Variants in PABPC4L observed in about 807,000 individuals in gnomAD.
PABPC4L encodes polyadenylate-binding protein 4-like.
For synonymous variants in PABPC4L, 169 were observed against 164.1 expected, an observed-to-expected ratio of 1.03 and a Z score of -0.23; for missense variants, 452 against 451.4, an observed-to-expected ratio of 1.00 and a Z score of -0.01.
At chr4:134,065,887 GT>G in the PABPC4L span, among the ~76,000 whole-genome samples, 1 of 151,718 alleles carries the variant, frequency 6.6e-6, no homozygotes, top group Non-Finnish European at 1.5e-5. Flanking sequence ...CCTTTTCAAT[GT>G]TTTTGTCTAT....
the PABPC4L span, among the ~76,000 whole-genome samples, chr4:134,166,632 G>T: frequency 6.6e-6 from 1 of 152,172 alleles, no homozygotes; most frequent in Non-Finnish European, 1.5e-5. Context: ...GGCGGCAGAT[G>T]TAACAGAGCT....
the PABPC4L span, among the ~76,000 whole-genome samples, chr4:133,969,001 A>T: frequency 6.6e-6 from 1 of 152,182 alleles, no homozygotes; most frequent in Non-Finnish European, 1.5e-5. Flanking sequence ...TTTTAAAAGG[A>T]AATTGATTGT....
At chr4:134,158,961 C>T in the PABPC4L span, among the ~76,000 whole-genome samples, 1 of 152,066 alleles carries the variant, frequency 6.6e-6, no homozygotes, top group African/African-American at 2.4e-5. Context: ...GTAATTGTAA[C>T]ACAATGATCA....
chr4:134,103,296 G>T, the PABPC4L span, among the ~76,000 whole-genome samples: 1 of 151,550 alleles, frequency 6.6e-6, no homozygotes, highest in Non-Finnish European at 1.5e-5. Context: ...TGCAGTGATG[G>T]GTAGTGTACT....
chr4:134,029,314 C>T, the PABPC4L span, among the ~76,000 whole-genome samples: 1 of 151,868 alleles, frequency 6.6e-6, no homozygotes. Flanking sequence ...AAAGGAGGGG[C>T]CAAGGTGACC....
At chr4:134,193,990 A>T (rs539486279), downstream of PABPC4L, among the ~76,000 whole-genome samples, 1 of 151,928 alleles carries the variant, frequency 6.6e-6, no homozygotes, top group South Asian at 2.1e-4. Context: ...AAAGAGACAG[A>T]ACTTTTCAGG....
the PABPC4L span, among the ~76,000 whole-genome samples, chr4:134,123,840 A>G: frequency 1.3e-5 from 2 of 152,020 alleles, no homozygotes. Flanking sequence ...AACTGTCAAA[A>G]CAGGTGTAAA....
the PABPC4L span, among the ~76,000 whole-genome samples, chr4:134,038,353 G>A: frequency 6.6e-6 from 1 of 152,084 alleles, no homozygotes; most frequent in African/African-American, 2.4e-5. Flanking sequence ...AGTTAGGGAG[G>A]ATTCCCTCTT....
At chr4:134,101,460 T>C in the PABPC4L span, among the ~76,000 whole-genome samples, 1 of 151,496 alleles carries the variant, frequency 6.6e-6, no homozygotes, top group African/African-American at 2.4e-5. Flanking sequence ...AAAGATGTTT[T>C]ACTTGTGAGA....
At chr4:133,964,282 C>T in the PABPC4L span, among the ~76,000 whole-genome samples, 3 of 151,664 alleles carry the variant, frequency 2.0e-5, no homozygotes, top group Non-Finnish European at 4.4e-5. Flanking sequence ...GAATTAGATA[C>T]TCTAAACAGA....
the PABPC4L span, among the ~76,000 whole-genome samples, chr4:134,061,343 T>C: frequency 3.9e-5 from 6 of 151,950 alleles, no homozygotes; most frequent in African/African-American, 1.4e-4. Context: ...AGATACACTC[T>C]TATATGAAAT....
the PABPC4L span, among the ~76,000 whole-genome samples, chr4:134,058,325 T>G: frequency 6.6e-6 from 1 of 152,068 alleles, no homozygotes; most frequent in African/African-American, 2.4e-5. Flanking sequence ...TCTTTTGGTC[T>G]TATATTATTC....
At chr4:134,190,252 A>C in the PABPC4L span, among the ~76,000 whole-genome samples, 1 of 152,130 alleles carries the variant, frequency 6.6e-6, no homozygotes, top group Non-Finnish European at 1.5e-5. Context: ...GTTTGTCCTG[A>C]CACATACTTC....
chr4:133,998,737 G>GT, the PABPC4L span, among the ~76,000 whole-genome samples: 1,376 of 147,408 alleles, frequency 9.3e-3, 22 homozygotes, highest in African/African-American at 0.031. Flanking sequence ...GATAATTATG[G>GT]TTTTTTTTTT....
At chr4:134,017,436 C>T in the PABPC4L span, among the ~76,000 whole-genome samples, 2 of 152,126 alleles carry the variant, frequency 1.3e-5, no homozygotes, top group African/African-American at 4.8e-5. Context: ...TCTAGTCATA[C>T]TCCTATTCAC....
the PABPC4L span, among the ~76,000 whole-genome samples, chr4:133,995,887 G>T: frequency 6.6e-6 from 1 of 152,260 alleles, no homozygotes; most frequent in Non-Finnish European, 1.5e-5. Flanking sequence ...GAAGTTGTTT[G>T]CTATGGCTTC....
At chr4:134,041,024 A>G in the PABPC4L span, among the ~76,000 whole-genome samples, 1 of 152,190 alleles carries the variant, frequency 6.6e-6, no homozygotes, top group Non-Finnish European at 1.5e-5. Flanking sequence ...TCACAATGAG[A>G]TACCATCTCA....
chr4:134,109,058 T>A, the PABPC4L span, among the ~76,000 whole-genome samples: 1 of 152,036 alleles, frequency 6.6e-6, no homozygotes, highest in African/African-American at 2.4e-5. Flanking sequence ...AAACTTTATG[T>A]AACCCTAAAC....
the PABPC4L span, among the ~76,000 whole-genome samples, chr4:133,981,058 G>A: frequency 6.6e-6 from 1 of 152,184 alleles, no homozygotes; most frequent in Non-Finnish European, 1.5e-5. Context: ...CTACTAGGGA[G>A]GTTGAGGCAG....
Sources: gnomAD v4.1 joint callset for allele counts (sites outside exome capture counted in the v4.1 genomes callset) on GRCh38, gnomAD v4.1.1 for gene constraint, MANE v1.5 for transcripts, NCBI Gene and HGNC (gene_info 2026-07-23, HGNC 2026-07-21) for gene names.